Variants in SCARA5 observed in about 807,000 individuals in gnomAD.
SCARA5 encodes the protein scavenger receptor class A, member 5 (putative).
A neutral mutation model predicts 46.3 loss-of-function variants in SCARA5; 45 were observed. That is an observed-to-expected ratio of 0.97 (90% CI 0.76 to 1.24). The LOEUF is 1.24. Ranked by LOEUF, SCARA5 falls within the 50% of genes most tolerant of loss-of-function variation. The pLI is 0.00. For missense variants in SCARA5, 680 were observed against 689.0 expected (o/e 0.99, Z 0.15); for synonymous variants, 333 against 306.5 (o/e 1.09, Z -0.90).
At chr8:27,873,303 A>G (rs990539915) in intron 8 of SCARA5, among the ~76,000 whole-genome samples, 37 of 151,988 alleles carry the variant, frequency 2.4e-4, no homozygotes, top group African/African-American at 8.9e-4. Flanking sequence ...CTGCCCCAAC[A>G]CTTCAACACT....
intron 3 of SCARA5, among the ~76,000 whole-genome samples, chr8:27,945,291 T>C (rs1228204425): frequency 6.6e-6 from 1 of 152,114 alleles, no homozygotes; most frequent in East Asian, 1.9e-4. Context: ...TAGCTTTTGG[T>C]GGCAGGCATG....
At chr8:27,932,083 G>C (rs1052381004) in intron 3 of SCARA5, among the ~76,000 whole-genome samples, 1 of 152,060 alleles carries the variant, frequency 6.6e-6, no homozygotes, top group African/African-American at 2.4e-5. Flanking sequence ...GGGCTCAAGA[G>C]ATCCTCCTAC....
chr8:27,926,175 T>C (rs185868422), intron 3 of SCARA5, among the ~76,000 whole-genome samples: 1 of 152,230 alleles, frequency 6.6e-6, no homozygotes, highest in East Asian at 1.9e-4. Flanking sequence ...CCACTCACAA[T>C]AGCAAAGACT....
At chr8:27,923,400 G>A (rs371232876) in intron 3 of SCARA5, among the ~76,000 whole-genome samples, 40 of 152,202 alleles carry the variant, frequency 2.6e-4, no homozygotes, top group African/African-American at 8.9e-4. Context: ...AGAAACTGAC[G>A]TGAAATTATC....
chr8:27,874,588 C>T (rs1018569497), intron 8 of SCARA5, among the ~76,000 whole-genome samples: 1 of 152,206 alleles, frequency 6.6e-6, no homozygotes, highest in African/African-American at 2.4e-5. Context: ...GACCACCTGG[C>T]CCACAAAGCT....
At chr8:27,904,170 G>A (rs1042588303) in intron 7 of SCARA5, among the ~76,000 whole-genome samples, 41 of 152,276 alleles carry the variant, frequency 2.7e-4, no homozygotes, top group Middle Eastern at 6.8e-3. Context: ...GCTCTCCAGC[G>A]TCACTCCTCC....
chr8:27,936,751 C>CAGCT (rs1347200598), intron 3 of SCARA5, among the ~76,000 whole-genome samples: 2 of 152,178 alleles, frequency 1.3e-5, no homozygotes, highest in Non-Finnish European at 2.9e-5. Context: ...GTGCAGTGGC[C>CAGCT]AGCTGATGGT....
At chr8:27,893,649 C>T (rs1476977872) in intron 7 of SCARA5, among the ~76,000 whole-genome samples, 1 of 152,168 alleles carries the variant, frequency 6.6e-6, no homozygotes, top group East Asian at 1.9e-4. Flanking sequence ...TGGAAGGGAA[C>T]CCGACAGCAT....
intron 7 of SCARA5, among the ~76,000 whole-genome samples, chr8:27,902,561 G>A (rs576313549): frequency 2.0e-5 from 3 of 152,276 alleles, no homozygotes; most frequent in African/African-American, 7.2e-5. Flanking sequence ...TTCCCAACAA[G>A]AGCCCCTCTG....
chr8:27,879,425 G>A, intron 8 of SCARA5, 144 bp downstream of exon 8: 2 of 735,462 alleles, frequency 2.7e-6, no homozygotes, highest in East Asian at 2.6e-5. Flanking sequence ...GGGCGGGGCA[G>A]TGAGTTCTTA....
rs1390170748 is a variant in SCARA5 at position 27,922,070 on chromosome 8, C to T, written c.417G>A (p.Leu139=). Reference sequence around the variant, plus strand: ...GCTGCACTGCGCCCGCCAGCGCCAGCAACGAGTCTGACTGGTTCTGCAGCG... The same window carrying T: ...GCTGCACTGCGCCCGCCAGCGCCAGTAACGAGTCTGACTGGTTCTGCAGCG... ...QDALQNQSDS[L]LALAGAVQRL... The change falls in exon 4 of 9, where the codon TTG becomes TTA. Residue 139 remains leucine (L), a synonymous_variant. Transcript: ENST00000354914. The T allele has an allele frequency of 1.8e-5, 29 of 1,594,626 alleles. No individual in the cohort carries two copies. The highest frequency in any genetic ancestry group is 2.4e-5 in the Non-Finnish European group (28 of 1,173,116).
rs762760287 is a variant in SCARA5, at chr8:27,907,145, T to C, written c.1096+3A>G. The stretch of plus-strand genomic sequence containing the variant: ...GCTCAGGGAGAACTGAGATTGTTAT[T>C]ACCTTTGAACCCACGCATGCCCATT... On this transcript the variant is annotated splice_donor_region_variant and intron_variant, in intron 6 of 8. Coordinates refer to ENST00000354914, the MANE Select transcript of SCARA5 (RefSeq NM_173833.6). 5 of 1,608,962 alleles carry C rather than the reference T, an allele frequency of 3.1e-6. No homozygotes were observed. The South Asian group carries it at 3.3e-5, about 11-fold the overall frequency.
At chr8:27,934,674 G>A (rs1457271600) in intron 3 of SCARA5, among the ~76,000 whole-genome samples, 1 of 152,196 alleles carries the variant, frequency 6.6e-6, no homozygotes, top group Non-Finnish European at 1.5e-5. Context: ...CTCCCCCAGA[G>A]CTCTTCCTTG....
At chr8:27,951,980 G>A (rs925461908) in intron 3 of SCARA5, among the ~76,000 whole-genome samples, 1 of 152,176 alleles carries the variant, frequency 6.6e-6, no homozygotes. Context: ...GCAAACTCAT[G>A]TCCACCCAGA....
At chr8:27,909,837 G>T in intron 4 of SCARA5, 94 bp from the exon 5 acceptor site, 1 of 770,570 alleles carries the variant, frequency 1.3e-6, no homozygotes, top group Non-Finnish European at 2.1e-6. Context: ...TCTCTGAGGA[G>T]AGGAAGGGGC....
At chr8:27,933,182 T>C (rs1807804128) in intron 3 of SCARA5, among the ~76,000 whole-genome samples, 1 of 152,178 alleles carries the variant, frequency 6.6e-6, no homozygotes, top group Non-Finnish European at 1.5e-5. Flanking sequence ...GACTAGCAGA[T>C]GTAATCTACT....
At chr8:27,900,178 G>A (rs1585473538) in intron 7 of SCARA5, among the ~76,000 whole-genome samples, 1 of 152,050 alleles carries the variant, frequency 6.6e-6, no homozygotes. Flanking sequence ...ACAAAAAAAG[G>A]TGCAGTCGCT....
chr8:27,886,833 C>G (rs1806903771), intron 7 of SCARA5, among the ~76,000 whole-genome samples: 1 of 152,168 alleles, frequency 6.6e-6, no homozygotes, highest in African/African-American at 2.4e-5. Flanking sequence ...TGTGTCAGCC[C>G]CGACTTAATC....
intron 3 of SCARA5, among the ~76,000 whole-genome samples, chr8:27,956,022 TTGGA>T (rs1354233723): frequency 6.6e-6 from 1 of 152,150 alleles, no homozygotes; most frequent in Non-Finnish European, 1.5e-5. Flanking sequence ...TGATTACACA[TTGGA>T]TTTGAGATGA....
Sources: gnomAD v4.1 joint callset for allele counts (sites outside exome capture counted in the v4.1 genomes callset) on GRCh38, gnomAD v4.1.1 for gene constraint, MANE v1.5 for transcripts, NCBI Gene and HGNC (gene_info 2026-07-23, HGNC 2026-07-21) for gene names.